The following CSMD1 variants were observed in gnomAD, a reference collection of about 807,000 sequenced individuals.
The protein encoded by CSMD1 is CUB and Sushi multiple domains 1.
Under a neutral mutation model 417.5 loss-of-function variants are expected in CSMD1, and 213 were observed. The ratio of observed to expected loss-of-function variants is 0.51; its 90% CI spans 0.46 to 0.57. The LOEUF is 0.57. Ranked by LOEUF, CSMD1 falls within the 20% of genes least tolerant of loss-of-function variation. CSMD1 has a pLI of 0.00. For synonymous variants in CSMD1, 2,862 were observed against 1,736.8 expected, an observed-to-expected ratio of 1.65 and a Z score of -16.11; for missense variants, 6,923 against 4,529.7, an observed-to-expected ratio of 1.53 and a Z score of -15.17.
At chr8:4,562,022 A>G (rs1240040305) in intron 2 of CSMD1, among the ~76,000 whole-genome samples, 3 of 152,204 alleles carry the variant, frequency 2.0e-5, no homozygotes, top group Non-Finnish European at 4.4e-5. Context: ...AAATAAATAG[A>G]AAAGGAAGGC....
intron 3 of CSMD1, among the ~76,000 whole-genome samples, chr8:4,336,222 C>G (rs1047893827): frequency 2.6e-5 from 4 of 152,126 alleles, no homozygotes; most frequent in African/African-American, 7.2e-5. Context: ...ATGAATGCAC[C>G]TGTAGGTTCA....
intron 3 of CSMD1, among the ~76,000 whole-genome samples, chr8:4,041,259 C>T (rs141031480): frequency 0.012 from 1,872 of 150,798 alleles, 37 homozygotes; most frequent in African/African-American, 0.042. Flanking sequence ...CCTCGTGATC[C>T]GCCCGCCTCG....
intron 5 of CSMD1, among the ~76,000 whole-genome samples, chr8:3,759,907 A>G (rs1295058925): frequency 1.8e-5 from 1 of 56,464 alleles, no homozygotes; most frequent in Non-Finnish European, 4.7e-5. Context: ...ACTGTCTCAA[A>G]AAAAAAAAAA....
At chr8:4,210,017 C>G (rs1301515209) in intron 3 of CSMD1, among the ~76,000 whole-genome samples, 1 of 152,158 alleles carries the variant, frequency 6.6e-6, no homozygotes, top group Non-Finnish European at 1.5e-5. Context: ...TCTGTTTTAG[C>G]TAGTTCTCTA....
At chr8:4,064,316 T>C (rs1030704690) in intron 3 of CSMD1, among the ~76,000 whole-genome samples, 7 of 152,232 alleles carry the variant, frequency 4.6e-5, no homozygotes, top group Non-Finnish European at 8.8e-5. Flanking sequence ...CTGGGCTCCA[T>C]ATGGTGTTTC....
chr8:4,231,197 G>A (rs1228012193), intron 3 of CSMD1, among the ~76,000 whole-genome samples: 2 of 152,184 alleles, frequency 1.3e-5, no homozygotes, highest in Non-Finnish European at 2.9e-5. Flanking sequence ...TGCGCATTGA[G>A]TCTAAATGAA....
At chr8:4,172,790 T>C (rs1486757475) in intron 3 of CSMD1, among the ~76,000 whole-genome samples, 1 of 152,142 alleles carries the variant, frequency 6.6e-6, no homozygotes, top group Non-Finnish European at 1.5e-5. Context: ...CAGAGAAGCC[T>C]ATCCCATGTC....
chr8:4,389,719 A>G (rs966357117), intron 3 of CSMD1, among the ~76,000 whole-genome samples: 3 of 152,106 alleles, frequency 2.0e-5, no homozygotes, highest in African/African-American at 7.2e-5. Context: ...TTTCCTGTAT[A>G]TTTTAAAATT....
intron 24 of CSMD1, 43 bp downstream of exon 24, chr8:3,308,269 A>C: frequency 6.6e-7 from 1 of 1,506,384 alleles, no homozygotes; most frequent in Non-Finnish European, 9.1e-7. Flanking sequence ...AAGCACCCTA[A>C]GGCCTGGCTT....
At chr8:4,968,509 A>G (rs1810024674) in intron 1 of CSMD1, among the ~76,000 whole-genome samples, 1 of 152,130 alleles carries the variant, frequency 6.6e-6, no homozygotes, top group Non-Finnish European at 1.5e-5. Flanking sequence ...AAATGCAAAA[A>G]CTAATTTCCA....
At chr8:4,783,968 T>C (rs1006773093) in intron 1 of CSMD1, among the ~76,000 whole-genome samples, 2 of 152,122 alleles carry the variant, frequency 1.3e-5, no homozygotes, top group South Asian at 2.1e-4. Context: ...TTCCCACAGA[T>C]TGGATGAGGT....
chr8:3,797,178 A>C (rs1397526045), intron 5 of CSMD1, among the ~76,000 whole-genome samples: 3 of 151,952 alleles, frequency 2.0e-5, no homozygotes, highest in Non-Finnish European at 4.4e-5. Flanking sequence ...AGTCTATTCA[A>C]CTTGAAATGT....
At position 3,409,312 on chromosome 8, in the gene CSMD1, C is replaced by G. The variant is rs780321093; in HGVS notation, c.1744+111G>C. ...TTTCCAGTAAATGTGGCACCCCGAG[C>G]CATTCTGAAAGCTGCCCTCCCTAAA... On this transcript the variant is annotated intron_variant, in intron 13 of 69. Coordinates refer to ENST00000635120, the MANE Select transcript of CSMD1 (RefSeq NM_033225.6). 4 of 984,256 alleles carry G rather than the reference C, an allele frequency of 4.1e-6. No homozygotes were observed. The South Asian group carries it at 1.2e-4, about 30-fold the overall frequency. 61.0% of individuals were successfully genotyped at this position (984,256 alleles called of 1,614,324 possible).
chr8:3,064,814 T>C (rs1268409737), intron 49 of CSMD1, among the ~76,000 whole-genome samples: 1 of 152,194 alleles, frequency 6.6e-6, no homozygotes, highest in Non-Finnish European at 1.5e-5. Flanking sequence ...TTAAGCAAAT[T>C]CCAACTTAAA....
rs1585359217 is a variant in CSMD1, at chr8:4,934,161, C to A, written c.85+60171G>T. 3.3e-5 allele frequency among the ~76,000 whole-genome samples: 5 copies of A among 152,230 alleles called. No homozygotes were observed. The East Asian group carries it at 9.7e-4, about 29-fold the overall frequency. Reference sequence around the variant, plus strand: ...CTGGCCCAGTGACTCTGAGAAGAGGCCAGGCTAACAAGAAACAGAAGAGGC... The same window carrying A: ...CTGGCCCAGTGACTCTGAGAAGAGGACAGGCTAACAAGAAACAGAAGAGGC... On this transcript the variant is annotated intron_variant, in intron 1 of 69. Transcript: ENST00000635120.
chr8:3,441,294 A>G lies in CSMD1; in HGVS notation c.1561+27418T>C, dbSNP rs556417607. On this transcript the variant is annotated intron_variant, in intron 12 of 69. Coordinates refer to ENST00000635120, the MANE Select transcript of CSMD1 (RefSeq NM_033225.6). ...TGAATTTGTATTGTTTTCAAACAGT[A>G]CATTTGTGGTGGTTAGTTTCCTTAG... 5.9e-5 allele frequency among the ~76,000 whole-genome samples: 9 copies of G among 152,200 alleles called. No homozygotes were observed. In the East Asian group the frequency reaches 9.7e-4, roughly 16 times the overall value.
chr8:4,017,699 G>T (rs1438691617), intron 4 of CSMD1, among the ~76,000 whole-genome samples: 1 of 151,998 alleles, frequency 6.6e-6, no homozygotes, highest in African/African-American at 2.4e-5. Context: ...AAACTGCATG[G>T]TCACAGGATT....
intron 6 of CSMD1, 57 bp downstream of exon 6, chr8:3,753,873 G>A: frequency 2.4e-6 from 3 of 1,243,016 alleles, no homozygotes; most frequent in Admixed American, 2.0e-5. Flanking sequence ...GGCTAGAAAG[G>A]ATCAAAATAT....
chr8:3,861,195 C>A (rs535948617), intron 5 of CSMD1, among the ~76,000 whole-genome samples: 28 of 152,252 alleles, frequency 1.8e-4, no homozygotes, highest in Admixed American at 1.7e-3. Context: ...TTCTTGGCAA[C>A]GAGGTTCAGT....
Sources: allele counts gnomAD v4.1 joint callset (sites outside exome capture counted in the v4.1 genomes callset), GRCh38; gene constraint gnomAD v4.1.1; transcripts MANE v1.5; gene names NCBI Gene and HGNC (gene_info 2026-07-23, HGNC 2026-07-21).